DISP2: variants seen among roughly 807,000 people sequenced by gnomAD.
The protein encoded by DISP2 is protein dispatched homolog 2.
DISP2 carries 59 observed loss-of-function variants against 95.5 expected under a neutral mutation model. The observed-to-expected ratio is 0.62, with a 90% CI of 0.50 to 0.77. The LOEUF (loss-of-function observed/expected upper bound fraction) is 0.77. DISP2 is among the 30% of genes least tolerant of loss of function. DISP2 has a pLI of 0.00. For missense variants in DISP2, 1,752 were observed against 1,854.6 expected, an observed-to-expected ratio of 0.94 and a Z score of 1.02; for synonymous variants, 827 against 815.0, an observed-to-expected ratio of 1.01 and a Z score of -0.25.
Position 40,370,281 on chromosome 15 carries a change from G to T in DISP2, c.4169G>T (p.Arg1390Leu), listed in dbSNP as rs761767631. The T allele has an allele frequency of 5.8e-6, 9 of 1,556,276 alleles. No homozygotes were observed. The highest frequency in any genetic ancestry group is 6.1e-6 in the Non-Finnish European group (7 of 1,150,414). ...SQPDLPDVWLRRPSTHTSGYS... is the reference protein window; with the variant it reads ...SQPDLPDVWLLRPSTHTSGYS... ...CCAGACCTGCCAGATGTTTGGCTGC[G>T]CAGGCCCAGCACTCACACGTCAGGC... The change falls in exon 8 of 8, where the codon CGC (arginine) becomes CTC (leucine). Residue 1390 changes from arginine to leucine, a missense_variant. Physicochemically the swap from Arg to Leu is moderately radical, Grantham distance 102. Around this residue, in one of 5 missense-constraint regions of DISP2, gnomAD observed 347 missense variants for 344.2 expected, o/e 1.01. Transcript: ENST00000267889.
Position 40,374,797 on chromosome 15 carries a change from G to C in DISP2, c.*4479G>C, listed in dbSNP as rs1889707337. ...GCAAATTTTTTGTATTTTTAGTAAAGACGGGGTTTCATTGTGTTAGCCAGG... is the reference window on the plus strand; with the variant it reads ...GCAAATTTTTTGTATTTTTAGTAAACACGGGGTTTCATTGTGTTAGCCAGG... On this transcript the variant is annotated 3_prime_UTR_variant, in exon 8 of 8. Coordinates refer to ENST00000267889, the MANE Select transcript of DISP2 (RefSeq NM_033510.3). 6.6e-6 allele frequency: 1 copy of C among 151,860 alleles called. No individual in the cohort carries two copies. Among genetic ancestry groups the C allele is most frequent in the South Asian group, 2.1e-4 (1 of 4,798 alleles). 9.4% of individuals were successfully genotyped at this position (151,860 alleles called of 1,614,324 possible).
rs1208113984 is a variant in DISP2, at chr15:40,369,361, G to C, written c.3249G>C (p.Leu1083=). ...AGVLMLPATV[L]LYRKLGIILM... ...TGCTCATGCTGCCTGCCACAGTGCT[G>C]CTCTATCGCAAGCTGGGCATCATCC... Residue 1083 remains leucine (L), a synonymous_variant, in exon 8 of 8, where the codon CTG becomes CTC. Transcript: ENST00000267889. The C allele has an allele frequency of 6.2e-7, 1 of 1,613,472 alleles. No individual in the cohort carries two copies. Among genetic ancestry groups the C allele is most frequent in the Admixed American group, 1.7e-5 (1 of 60,014 alleles).
At position 40,363,784 on chromosome 15, in the gene DISP2, C is replaced by A. The variant is rs763355413; in HGVS notation, c.279C>A (p.Phe93Leu). Residue 93 changes from phenylalanine to leucine, a missense_variant, in exon 2 of 8, where the codon TTC (phenylalanine) becomes TTA (leucine). By Grantham distance (22) the Phe-to-Leu change is conservative. Transcript: ENST00000267889. ...CCAGCCCCTTGGCCCCTGCCCACTT[C>A]ACCTATCCCCGGGCACTGCAGGAAT... is the stretch of plus-strand genomic sequence containing the variant. ...GPSSPLAPAH[F>L]TYPRALQEYQ... The A allele has an allele frequency of 3.1e-6, 5 of 1,613,394 alleles. No homozygotes were observed. The South Asian group carries it at 5.5e-5, about 18-fold the overall frequency.
At chr15:40,364,302 C>T (rs1409622389) in intron 3 of DISP2, 47 bp downstream of exon 3, 1 of 1,613,996 alleles carries the variant, frequency 6.2e-7, no homozygotes, top group Non-Finnish European at 8.5e-7. Context: ...CAGGCTGGTG[C>T]CCAGTTAGCC....
At chr15:40,367,011 G>C (rs2141261709) in intron 7 of DISP2, 47 bp from the exon 8 acceptor site, 1 of 1,591,566 alleles carries the variant, frequency 6.3e-7, no homozygotes, top group Admixed American at 1.7e-5. Flanking sequence ...GAAAACCTGA[G>C]CCCTTGGGCT....
chr15:40,375,492 C>A lies in DISP2; in HGVS notation c.*5174C>A, dbSNP rs1889718271. On this transcript the variant is annotated 3_prime_UTR_variant, in exon 8 of 8. Coordinates refer to ENST00000267889, the MANE Select transcript of DISP2 (RefSeq NM_033510.3). Reference sequence around the variant, plus strand: ...TGTATTGACTCTTTTATATTTTCTCCACCTTCCTCAAATATCTCACCTTCC... The same window carrying A: ...TGTATTGACTCTTTTATATTTTCTCAACCTTCCTCAAATATCTCACCTTCC... 1 of 151,372 alleles carries A rather than the reference C, an allele frequency of 6.6e-6. No homozygotes were observed. The highest frequency in any genetic ancestry group is 2.4e-5 in the African/African-American group (1 of 41,068). 9.4% of individuals were successfully genotyped at this position (151,372 alleles called of 1,614,324 possible).
At chr15:40,362,247 C>G (rs1026893926) in intron 1 of DISP2, among the ~76,000 whole-genome samples, 1 of 152,216 alleles carries the variant, frequency 6.6e-6, no homozygotes, top group African/African-American at 2.4e-5. Context: ...GGAGGGATGG[C>G]AGTTGCTTCC....
rs1480170869 is a variant in DISP2 at position 40,368,041 on chromosome 15, C to G, written c.1929C>G (p.Leu643=). The G allele has an allele frequency of 1.3e-6, 2 of 1,527,614 alleles. No homozygotes were observed. The highest frequency in any genetic ancestry group is 1.2e-5 in the South Asian group (1 of 83,636). 94.6% of individuals were successfully genotyped at this position (1,527,614 alleles called of 1,614,324 possible). A position where few individuals can be genotyped will look rare whatever the true frequency, so the allele number is the denominator to read the frequency against. Residue 643 remains leucine, a synonymous_variant, in exon 8 of 8, where the codon CTC becomes CTG. Coordinates refer to ENST00000267889, the MANE Select transcript of DISP2 (RefSeq NM_033510.3). ...TCTGGCTGCCCGCCTCCGCCGTGCT[C>G]CACGAGCGCTACCTGGCGCGCGGCT... ...TLVWLPASAV[L]HERYLARGCA... is the part of the protein sequence containing the mutation.
rs1889738587 is a variant in DISP2, at chr15:40,377,049, G to A, written c.*6731G>A. 6.6e-6 allele frequency: 1 copy of A among 152,280 alleles called. No individual in the cohort carries two copies. Among genetic ancestry groups the A allele is most frequent in the Non-Finnish European group, 1.5e-5 (1 of 68,094 alleles). The allele number at this position is 152,280 out of a possible 1,614,324, so 9.4% of individuals were successfully genotyped here. A position where few individuals can be genotyped will look rare whatever the true frequency, so the allele number is the denominator to read the frequency against. Reference sequence around the variant, plus strand: ...TGAACAAAAACAGACTGAAGGCTGGGCGTGGTGGCTCATGCCTGTAATCCC... The same window carrying A: ...TGAACAAAAACAGACTGAAGGCTGGACGTGGTGGCTCATGCCTGTAATCCC... On this transcript the variant is annotated 3_prime_UTR_variant, in exon 8 of 8. Coordinates refer to ENST00000267889, the MANE Select transcript of DISP2 (RefSeq NM_033510.3).
intron 5 of DISP2, 71 bp from the exon 6 acceptor site, chr15:40,365,076 G>A: frequency 1.9e-6 from 3 of 1,590,330 alleles, no homozygotes; most frequent in Non-Finnish European, 2.6e-6. Flanking sequence ...GCTCCCTGGG[G>A]AGTGGTCTCT....
chr15:40,368,624 G>C lies in DISP2; in HGVS notation c.2512G>C (p.Val838Leu), dbSNP rs1457013296. 1 of 1,608,398 alleles carries C rather than the reference G, an allele frequency of 6.2e-7. No homozygotes were observed. Among genetic ancestry groups the C allele is most frequent in the Non-Finnish European group, 8.5e-7 (1 of 1,179,990 alleles). ...LQEGWPTLCF[V>L]ETLQRWMESP... ...GGAAGGCTGGCCCACGCTGTGTTTC[G>C]TGGAGACCCTCCAGCGCTGGATGGA... is the stretch of plus-strand genomic sequence containing the variant. The change falls in exon 8 of 8, where the codon GTG (valine) becomes CTG (leucine). Residue 838 changes from valine to leucine, a missense_variant. This residue lies in a region of DISP2 where 317 missense variants were observed against 394.9 expected (regional missense o/e 0.80). Transcript: ENST00000267889.
Position 40,376,805 on chromosome 15 carries a change from A to G in DISP2, c.*6487A>G, listed in dbSNP as rs1054193801. On this transcript the variant is annotated 3_prime_UTR_variant, in exon 8 of 8. Coordinates refer to ENST00000267889, the MANE Select transcript of DISP2 (RefSeq NM_033510.3). ...GGCAACAGAGCGAGACCTTAACTCT[A>G]AAAAAAGAAATAAAGAAGAATTTAA... 6.6e-6 allele frequency: 1 copy of G among 152,106 alleles called. No individual in the cohort carries two copies. The highest frequency in any genetic ancestry group is 1.5e-5 in the Non-Finnish European group (1 of 68,010). 9.4% of individuals were successfully genotyped at this position (152,106 alleles called of 1,614,324 possible). A position where few individuals can be genotyped will look rare whatever the true frequency, so the allele number is the denominator to read the frequency against.
In DISP2 at chr15:40,369,970, C is replaced by T; in HGVS notation, c.3858C>T (p.Ala1286=). The T allele has an allele frequency of 1.2e-6, 2 of 1,612,330 alleles. No individual in the cohort carries two copies. The highest frequency in any genetic ancestry group is 1.1e-5 in the South Asian group (1 of 90,892). The change falls in exon 8 of 8, where the codon GCC becomes GCT. Residue 1286 remains alanine, a synonymous_variant. Transcript: ENST00000267889. Reference sequence around the variant, plus strand: ...CTCCTGATGGCTTCTGTTCCTCAGCCAGCACCCTGGAGGGGCTCAGCGTCT... The same window carrying T: ...CTCCTGATGGCTTCTGTTCCTCAGCTAGCACCCTGGAGGGGCTCAGCGTCT... The part of the protein sequence containing the change: ...ADPPDGFCSS[A]STLEGLSVSD...
rs745393435 is a variant in DISP2 at position 40,364,414 on chromosome 15, T to C, written c.480-7T>C. The C allele has an allele frequency of 6.2e-7, 1 of 1,613,636 alleles. No individual in the cohort carries two copies. Among genetic ancestry groups the C allele is most frequent in the Non-Finnish European group, 8.5e-7 (1 of 1,179,964 alleles). On this transcript the variant is annotated splice_polypyrimidine_tract_variant and splice_region_variant and intron_variant, in intron 3 of 7. Transcript: ENST00000267889. ...CCAACTCATGTGGACTCCTCCCTCT[T>C]TCCCAGCTATTCCCAGCTGATTGCT...
rs1449960237 is a variant in DISP2, at chr15:40,376,523, G to C, written c.*6205G>C. The C allele has an allele frequency of 6.6e-6, 1 of 152,252 alleles. No homozygotes were observed. Among genetic ancestry groups the C allele is most frequent in the African/African-American group, 2.4e-5 (1 of 41,442 alleles). The allele number at this position is 152,252 out of a possible 1,614,324, so 9.4% of individuals were successfully genotyped here. A position where few individuals can be genotyped will look rare whatever the true frequency, so the allele number is the denominator to read the frequency against. On this transcript the variant is annotated 3_prime_UTR_variant, in exon 8 of 8. Transcript: ENST00000267889. The stretch of plus-strand genomic sequence containing the variant: ...TAGTCCCAGCTACTCAGGAGGCTGA[G>C]GAAGGACAATCGCTTGAACCCTGGA...
rs544372380 is a variant in DISP2 at position 40,369,746 on chromosome 15, G to A, written c.3634G>A (p.Ala1212Thr). 1.9e-6 allele frequency: 3 copies of A among 1,609,020 alleles called. No homozygotes were observed. In the South Asian group the frequency reaches 3.3e-5, roughly 18 times the overall value. Reference sequence around the variant, plus strand: ...CTGTTCCCGGCCCCCACCAGCCCCTGCCTCCCCAAGGGAGCTGCTGCTGGA... The same window carrying A: ...CTGTTCCCGGCCCCCACCAGCCCCTACCTCCCCAAGGGAGCTGCTGCTGGA... ...PCCSRPPPAP[A>T]SPRELLLDHQ... The change falls in exon 8 of 8, where the codon GCC (alanine) becomes ACC (threonine). Residue 1212 changes from alanine (A) to threonine (T), a missense_variant. This residue lies in a region of DISP2 where 347 missense variants were observed against 344.2 expected (regional missense o/e 1.01). Coordinates refer to ENST00000267889, the MANE Select transcript of DISP2 (RefSeq NM_033510.3).
Position 40,374,843 on chromosome 15 carries a change from T to C in DISP2, c.*4525T>C, listed in dbSNP as rs138401013. Reference sequence around the variant, plus strand: ...CCAGGATGGTTTCGATCTCCTGACCTTGTGATCCGCCCACCTCGGCCTCCC... The same window carrying C: ...CCAGGATGGTTTCGATCTCCTGACCCTGTGATCCGCCCACCTCGGCCTCCC... On this transcript the variant is annotated 3_prime_UTR_variant, in exon 8 of 8. Coordinates refer to ENST00000267889, the MANE Select transcript of DISP2 (RefSeq NM_033510.3). The C allele has an allele frequency of 6.6e-6, 1 of 152,154 alleles. No individual in the cohort carries two copies. The highest frequency in any genetic ancestry group is 2.1e-4 in the South Asian group (1 of 4,824). 9.4% of individuals were successfully genotyped at this position (152,154 alleles called of 1,614,324 possible). A position where few individuals can be genotyped will look rare whatever the true frequency, so the allele number is the denominator to read the frequency against.
In DISP2 at chr15:40,367,232, T is replaced by C. The variant is rs761925172; in HGVS notation, c.1120T>C (p.Tyr374His). 1.9e-6 allele frequency: 3 copies of C among 1,613,892 alleles called. No homozygotes were observed. The African/African-American group carries it at 4.0e-5, about 22-fold the overall frequency. Reference sequence around the variant, plus strand: ...GGCCCTGCTTCGGACCTGTGCCCTCTACTACCACAGTGGCGCCTTGGTGCC... The same window carrying C: ...GGCCCTGCTTCGGACCTGTGCCCTCCACTACCACAGTGGCGCCTTGGTGCC... ...TLALLRTCAL[Y>H]YHSGALVPSC... is the part of the protein sequence containing the mutation. The change falls in exon 8 of 8, where the codon TAC becomes CAC. Residue 374 changes from tyrosine (Y) to histidine (H), a missense_variant. Physicochemically the swap from Tyr to His is moderately conservative, Grantham distance 83. This residue lies in a region of DISP2 where 732 missense variants were observed against 714.6 expected (regional missense o/e 1.02). Coordinates refer to ENST00000267889, the MANE Select transcript of DISP2 (RefSeq NM_033510.3).
chr15:40,366,003 G>T (rs898490212), intron 7 of DISP2, among the ~76,000 whole-genome samples: 5 of 152,264 alleles, frequency 3.3e-5, no homozygotes, highest in Admixed American at 3.3e-4. Context: ...TCCAGAGCGG[G>T]TGAGGAGGCC....
Sources: allele counts gnomAD v4.1 joint callset (sites outside exome capture counted in the v4.1 genomes callset), GRCh38; gene constraint gnomAD v4.1.1; regional missense constraint gnomAD v4.1.1; transcripts MANE v1.5; gene names NCBI Gene and HGNC (gene_info 2026-07-23, HGNC 2026-07-21).